The following SLC22A25 variants were observed in gnomAD, a reference collection of about 807,000 sequenced individuals.
The protein encoded by SLC22A25 is MGI:2442751, MGI:2385316, MGI:3042283, MGI:3645714, MGI:3605624, MGI:2442750.
In SLC22A25, 44 loss-of-function variants were observed where a neutral mutation model predicts 45.9. That is an observed-to-expected ratio of 0.96 (90% CI 0.75 to 1.23). The LOEUF (loss-of-function observed/expected upper bound fraction) is 1.23. SLC22A25 is among the 50% of genes most tolerant of loss of function. The pLI is 0.00. For missense variants in SLC22A25, 800 were observed against 666.4 expected, an observed-to-expected ratio of 1.20 and a Z score of -2.21; for synonymous variants, 283 against 238.6, an observed-to-expected ratio of 1.19 and a Z score of -1.72.
chr11:63,231,967 G>A (rs1369468814), intron 3 of SLC22A25, among the ~76,000 whole-genome samples: 6 of 152,174 alleles, frequency 3.9e-5, no homozygotes, highest in Non-Finnish European at 8.8e-5. Context: ...ATTTCTGAGG[G>A]CTCTGTTCTG....
intron 9 of SLC22A25, among the ~76,000 whole-genome samples, chr11:63,168,308 G>A (rs1229782193): frequency 1.3e-5 from 2 of 152,290 alleles, no homozygotes; most frequent in East Asian, 3.9e-4. Flanking sequence ...AAACTGGATG[G>A]AGAATGAGTT....
chr11:63,229,610 T>C lies in SLC22A25; in HGVS notation c.43A>G (p.Arg15Gly). Residue 15 changes from arginine (R) to glycine (G), a missense_variant, in exon 4 of 12, where the codon AGA (arginine) becomes GGA (glycine). By Grantham distance (125) the Arg-to-Gly change is moderately radical. Transcript: ENST00000306494. ...DLLDQVGGLG[R>G]FQILQMVFLI... ...AAAACCATCTGAAGGATCTGGAATC[T>C]CCCCAGGCCTCCAACTTGATCTAGG... 3 of 1,610,880 alleles carry C rather than the reference T, an allele frequency of 1.9e-6. No individual in the cohort carries two copies. Among genetic ancestry groups the C allele is most frequent in the South Asian group, 2.2e-5 (2 of 91,014 alleles).
chr11:63,233,427 G>C (rs966108998), intron 3 of SLC22A25, among the ~76,000 whole-genome samples: 1 of 152,192 alleles, frequency 6.6e-6, no homozygotes, highest in Admixed American at 6.5e-5. Context: ...TTGCGTAGAG[G>C]TGTTTATAGT....
chr11:63,166,574 C>T, intron 9 of SLC22A25: 1 of 1,041,736 alleles, frequency 9.6e-7, no homozygotes, highest in Non-Finnish European at 1.2e-6. Context: ...TCAAAAATCA[C>T]TGCAAAAAAA....
intron 7 of SLC22A25, among the ~76,000 whole-genome samples, chr11:63,204,744 T>C (rs572520339): frequency 3.4e-4 from 52 of 152,198 alleles, no homozygotes; most frequent in African/African-American, 1.2e-3. Flanking sequence ...CAATATTAGA[T>C]AGATCAATGA....
chr11:63,187,262 T>G (rs1384283654), intron 7 of SLC22A25, among the ~76,000 whole-genome samples: 1 of 152,190 alleles, frequency 6.6e-6, no homozygotes, highest in Non-Finnish European at 1.5e-5. Context: ...GTCCTTCAGA[T>G]CTCTTGTAAG....
chr11:63,213,280 A>T (rs1390990521), intron 7 of SLC22A25, among the ~76,000 whole-genome samples: 1 of 152,214 alleles, frequency 6.6e-6, no homozygotes, highest in Non-Finnish European at 1.5e-5. Context: ...GCCTTCAAGG[A>T]TATAAAGGAA....
At chr11:63,166,323 T>G in intron 9 of SLC22A25, 65 bp from the exon 10 acceptor site, 2 of 1,572,458 alleles carry the variant, frequency 1.3e-6, no homozygotes, top group Non-Finnish European at 1.7e-6. Context: ...CAAATGAGAA[T>G]AATATTGGCC....
At chr11:63,214,134 G>C (rs1394462252) in intron 7 of SLC22A25, among the ~76,000 whole-genome samples, 2 of 152,168 alleles carry the variant, frequency 1.3e-5, no homozygotes, top group African/African-American at 4.8e-5. Context: ...ATGGTTCTTA[G>C]CTTTTGGAGG....
chr11:63,235,638 T>A (rs1266158992), intron 3 of SLC22A25, among the ~76,000 whole-genome samples: 1 of 152,246 alleles, frequency 6.6e-6, no homozygotes, highest in African/African-American at 2.4e-5. Flanking sequence ...ACTTCCTCTC[T>A]CAAGTCATTG....
At chr11:63,190,197 T>C (rs1407754277) in intron 7 of SLC22A25, among the ~76,000 whole-genome samples, 3 of 152,224 alleles carry the variant, frequency 2.0e-5, no homozygotes, top group African/African-American at 7.2e-5. Context: ...AGATGTAGAT[T>C]TGGTCTTTTC....
intron 9 of SLC22A25, among the ~76,000 whole-genome samples, chr11:63,178,476 ATT>A (rs35620794): frequency 6.8e-6 from 1 of 147,678 alleles, no homozygotes; most frequent in African/African-American, 2.5e-5. Context: ...CTTCCCCAGC[ATT>A]TTTTTTTTTG....
intron 7 of SLC22A25, among the ~76,000 whole-genome samples, chr11:63,187,687 T>C (rs958647994): frequency 2.6e-5 from 4 of 152,228 alleles, no homozygotes; most frequent in East Asian, 1.9e-4. Context: ...GGGTTTGTCA[T>C]AGATAGCTCT....
chr11:63,185,125 GTATTT>G (rs1314771279), intron 7 of SLC22A25, among the ~76,000 whole-genome samples: 5 of 152,038 alleles, frequency 3.3e-5, no homozygotes, highest in South Asian at 2.1e-4. Context: ...GCAATCACAA[GTATTT>G]TATTTTATTT....
intron 9 of SLC22A25, among the ~76,000 whole-genome samples, chr11:63,177,840 TATATATATATA>T (rs2088154068): frequency 1.6e-5 from 1 of 61,410 alleles, no homozygotes; most frequent in Non-Finnish European, 3.4e-5. Context: ...ATATAATGTG[TATATATATATA>T]ATGTATATAT....
At chr11:63,224,916 G>A (rs1254456991) in intron 5 of SLC22A25, among the ~76,000 whole-genome samples, 2 of 152,092 alleles carry the variant, frequency 1.3e-5, no homozygotes, top group Admixed American at 6.5e-5. Flanking sequence ...TGGCTAACAC[G>A]GTGAAACCCT....
At chr11:63,193,962 A>G (rs2088908783) in intron 7 of SLC22A25, among the ~76,000 whole-genome samples, 1 of 152,166 alleles carries the variant, frequency 6.6e-6, no homozygotes, top group Non-Finnish European at 1.5e-5. Flanking sequence ...TGTAGAGAAA[A>G]CCTTAAATGA....
intron 5 of SLC22A25, among the ~76,000 whole-genome samples, chr11:63,228,246 G>A (rs1330713820): frequency 6.6e-6 from 1 of 152,212 alleles, no homozygotes; most frequent in African/African-American, 2.4e-5. Flanking sequence ...CCCCAGGTCA[G>A]ATGGAGATGA....
In SLC22A25 at chr11:63,164,072, C is replaced by A; in HGVS notation, c.1396G>T (p.Gly466Ter). 3 of 1,573,090 alleles carry A rather than the reference C, an allele frequency of 1.9e-6. No homozygotes were observed. The highest frequency in any genetic ancestry group is 2.6e-6 in the Non-Finnish European group (3 of 1,162,294). The change falls in exon 12 of 12, where the codon GGA becomes TGA. Residue 466 changes from glycine to a stop codon, truncating the protein, a stop_gained and splice_region_variant. Transcript: ENST00000306494. LOFTEE classifies it low-confidence loss of function (END_TRUNC). Reference sequence around the variant, plus strand: ...TTTCCAGTGATTCCAGTAGCTCTTCCCCTTGGAGTAAAAACAGCAACAGAG... The same window carrying A: ...TTTCCAGTGATTCCAGTAGCTCTTCACCTTGGAGTAAAAACAGCAACAGAG... ...ENELIPSIIR[G>*]RATGITGNFA...
Sources: allele counts gnomAD v4.1 joint callset (sites outside exome capture counted in the v4.1 genomes callset), GRCh38; gene constraint gnomAD v4.1.1; transcripts MANE v1.5; gene names NCBI Gene and HGNC (gene_info 2026-07-23, HGNC 2026-07-21).